TIPARP: variants seen among roughly 807,000 people sequenced by gnomAD.
TIPARP encodes the protein protein mono-ADP-ribosyltransferase TIPARP.
TIPARP carries 12 observed loss-of-function variants against 56.5 expected under a neutral mutation model. That is an observed-to-expected ratio of 0.21 (90% CI 0.14 to 0.34). The LOEUF is 0.34. Ranked by LOEUF, TIPARP falls within the 10% of genes least tolerant of loss-of-function variation. The pLI, the probability that TIPARP is intolerant of heterozygous loss-of-function variation, is 1.00. For synonymous variants in TIPARP, 296 were observed against 265.7 expected (o/e 1.11, Z -1.11); for missense variants, 604 against 781.6 (o/e 0.77, Z 2.71).
intron 2 of TIPARP, among the ~76,000 whole-genome samples, chr3:156,684,649 C>CTA (rs199967143): frequency 0.014 from 2,165 of 152,316 alleles, 26 homozygotes; most frequent in Non-Finnish European, 0.021. Context: ...TCAGGCTCGT[C>CTA]TCGAACTCCC....
At chr3:156,678,795 C>T (rs1450075260) in intron 2 of TIPARP, among the ~76,000 whole-genome samples, 181 bp downstream of exon 2, 1 of 151,726 alleles carries the variant, frequency 6.6e-6, no homozygotes, top group South Asian at 2.1e-4. Flanking sequence ...TTAACTCAAC[C>T]GGACAATGAA....
At chr3:156,686,401 CTCTG>C (rs1722429405) in intron 2 of TIPARP, among the ~76,000 whole-genome samples, 2 of 152,140 alleles carry the variant, frequency 1.3e-5, no homozygotes, top group African/African-American at 4.8e-5. Context: ...TAAAAAGACT[CTCTG>C]TCTTTTCTCT....
intron 1 of TIPARP, chr3:156,675,852 T>TA (rs1290792462): frequency 1.3e-5 from 2 of 152,142 alleles, no homozygotes; most frequent in Non-Finnish European, 2.9e-5. Context: ...ATTTTTCTGT[T>TA]ATGAAAACTA....
intron 2 of TIPARP, among the ~76,000 whole-genome samples, chr3:156,692,401 TCTATTTGAATTAAA>T (rs1481548405): frequency 1.3e-5 from 2 of 152,150 alleles, no homozygotes; most frequent in Non-Finnish European, 2.9e-5. Context: ...GAAACATTTT[TCTATTTGAATTAAA>T]TATTCCTACT....
intron 2 of TIPARP, among the ~76,000 whole-genome samples, chr3:156,683,281 TCTTA>T (rs1192373390): frequency 3.3e-5 from 5 of 152,192 alleles, no homozygotes; most frequent in Admixed American, 2.0e-4. Flanking sequence ...AATCCAAAGC[TCTTA>T]CTTTTTATTG....
intron 2 of TIPARP, among the ~76,000 whole-genome samples, chr3:156,680,250 C>T (rs1246526976): frequency 2.6e-5 from 4 of 152,258 alleles, no homozygotes; most frequent in Middle Eastern, 3.4e-3. Flanking sequence ...AAGATTCCAC[C>T]TTGCTTCAGT....
At chr3:156,683,568 C>CAA (rs552029075) in intron 2 of TIPARP, among the ~76,000 whole-genome samples, 2 of 144,170 alleles carry the variant, frequency 1.4e-5, no homozygotes, top group African/African-American at 2.5e-5. Context: ...AGTGGGCATG[C>CAA]AAAAAAAAAA....
At chr3:156,681,252 C>T (rs1244149494) in intron 2 of TIPARP, 1 of 454,948 alleles carries the variant, frequency 2.2e-6, no homozygotes, top group Non-Finnish European at 4.4e-6. Context: ...GCCTGTAAAG[C>T]TGGTCTATCT....
intron 2 of TIPARP, among the ~76,000 whole-genome samples, chr3:156,687,883 A>C (rs2108491197): frequency 6.6e-6 from 1 of 152,270 alleles, no homozygotes; most frequent in East Asian, 1.9e-4. Context: ...TTGGAATAAG[A>C]ATTTCCAAGA....
At chr3:156,695,832 T>TTTTTA in intron 3 of TIPARP, 33 bp from the exon 4 acceptor site, 1 of 1,299,744 alleles carries the variant, frequency 7.7e-7, no homozygotes, top group Non-Finnish European at 9.8e-7. Context: ...TTTCCTTTTT[T>TTTTTA]TTTTTTTTTT....
intron 4 of TIPARP, among the ~76,000 whole-genome samples, chr3:156,702,053 G>GGTGGTGGTGGTT: frequency 6.8e-6 from 1 of 147,368 alleles, no homozygotes. Context: ...TGGTGGTGGT[G>GGTGGTGGTGGTT]GTGGTGGTGG....
rs1482892663 is a variant in TIPARP at position 156,703,479 on chromosome 3, T to C, written c.1303T>C (p.Ser435Pro). 2 of 1,614,228 alleles carry C rather than the reference T, an allele frequency of 1.2e-6. No homozygotes were observed. Among genetic ancestry groups the C allele is most frequent in the Non-Finnish European group, 8.5e-7 (1 of 1,180,044 alleles). ...TCCACCTCTTGAAGCAACTTCATCA[T>C]CACAAATTATCTGCCCAGATGGGGT... is the stretch of plus-strand genomic sequence containing the variant. ...APPPLEATSS[S>P]QIICPDGVTS... is the part of the protein sequence containing the mutation. Residue 435 changes from serine (S) to proline (P), a missense_variant, in exon 5 of 6, where the codon TCA becomes CCA. Ser to Pro is a moderately conservative substitution (Grantham distance 74, BLOSUM62 -1). Transcript: ENST00000295924.
chr3:156,686,767 ATAAC>A (rs1478346452), intron 2 of TIPARP, among the ~76,000 whole-genome samples: 4 of 152,196 alleles, frequency 2.6e-5, no homozygotes, highest in Admixed American at 6.5e-5. Context: ...TATGATAACT[ATAAC>A]TAGTAGTTAT....
At chr3:156,703,815 C>A in intron 5 of TIPARP, 113 bp downstream of exon 5, 1 of 1,131,386 alleles carries the variant, frequency 8.8e-7, no homozygotes, top group East Asian at 2.7e-5. Context: ...AGATCGAGAC[C>A]ATCCTAGCTA....
rs1553771436 is a variant in TIPARP, at chr3:156,695,843, T to TTG, written c.1087-22_1087-21insTG. Reference sequence around the variant, plus strand: ...TAACTTTCCTTTTTTTTTTTTTTTTTGTTCTGTTTTCTCCTCCATAGTCTG... The same window carrying TTG: ...TAACTTTCCTTTTTTTTTTTTTTTTTTGGTTCTGTTTTCTCCTCCATAGTCTG... On this transcript the variant is annotated intron_variant, in intron 3 of 5. Transcript: ENST00000295924. 34 of 1,410,278 alleles carry TTG rather than the reference T, an allele frequency of 2.4e-5. No individual in the cohort carries two copies. The Admixed American group carries it at 3.6e-4, about 15-fold the overall frequency. The allele number at this position is 1,410,278 out of a possible 1,614,324, so 87.4% of individuals were successfully genotyped here. A position where few individuals can be genotyped will look rare whatever the true frequency, so the allele number is the denominator to read the frequency against.
intron 4 of TIPARP, among the ~76,000 whole-genome samples, chr3:156,701,568 C>T (rs755592796): frequency 4.7e-4 from 71 of 152,148 alleles, no homozygotes; most frequent in Admixed American, 9.2e-4. Context: ...TTTGCTTCCC[C>T]GCCATTCCTC....
rs779381790 is a variant in TIPARP, at chr3:156,678,160, A to G, written c.463A>G (p.Thr155Ala). Residue 155 changes from threonine (T) to alanine (A), a missense_variant, in exon 2 of 6, where the codon ACA becomes GCA. Physicochemically the swap from Thr to Ala is moderately conservative, Grantham distance 58. Coordinates refer to ENST00000295924, the MANE Select transcript of TIPARP (RefSeq NM_015508.5). ...CCTCAGTGGGACGGTGGCAGATTCC[A>G]CACCAGCTCACTTCCAGACTGATCT... Reference protein sequence around the residue: ...ETLSGTVADSTPAHFQTDLLH... With the variant: ...ETLSGTVADSAPAHFQTDLLH... 6.2e-6 allele frequency: 10 copies of G among 1,614,030 alleles called. No individual in the cohort carries two copies. In the East Asian group the frequency reaches 2.2e-4, roughly 36 times the overall value.
At chr3:156,699,030 A>G (rs759851748) in intron 4 of TIPARP, among the ~76,000 whole-genome samples, 2 of 152,216 alleles carry the variant, frequency 1.3e-5, no homozygotes, top group Non-Finnish European at 2.9e-5. Context: ...CAAGAGAGGT[A>G]GAAGTAGAAG....
chr3:156,685,037 G>C (rs906252265), intron 2 of TIPARP, among the ~76,000 whole-genome samples: 2 of 152,186 alleles, frequency 1.3e-5, no homozygotes, highest in Non-Finnish European at 2.9e-5. Flanking sequence ...TGTTTGTAAA[G>C]ATTTATATTC....
Sources: allele counts gnomAD v4.1 joint callset (sites outside exome capture counted in the v4.1 genomes callset), GRCh38; gene constraint gnomAD v4.1.1; transcripts MANE v1.5; gene names NCBI Gene and HGNC (gene_info 2026-07-23, HGNC 2026-07-21).